OPA1: variants seen among roughly 807,000 people sequenced by gnomAD.
OPA1 encodes dynamin-like GTPase OPA1, mitochondrial.
In OPA1, 59 loss-of-function variants were observed where a neutral mutation model predicts 152.9. The observed-to-expected ratio is 0.39, with a 90% CI of 0.31 to 0.48. The LOEUF (loss-of-function observed/expected upper bound fraction) is 0.48. Ranked by LOEUF, OPA1 falls within the 20% of genes least tolerant of loss-of-function variation. The probability of loss-of-function intolerance (pLI) is 0.96; values close to 1 mark genes in which losing one functional copy is unlikely to be tolerated. For synonymous variants in OPA1, 400 were observed against 389.9 expected (o/e 1.03, Z -0.31); for missense variants, 1,008 against 1,216.8 (o/e 0.83, Z 2.55).
At chr3:193,625,130 T>G (rs1290543122) in intron 6 of OPA1, among the ~76,000 whole-genome samples, 1 of 152,066 alleles carries the variant, frequency 6.6e-6, no homozygotes, top group Non-Finnish European at 1.5e-5. Context: ...TTGAGGTCGA[T>G]TATCTAAGAG....
At chr3:193,653,169 A>G in intron 21 of OPA1, among the ~76,000 whole-genome samples, 1 of 152,146 alleles carries the variant, frequency 6.6e-6, no homozygotes, top group South Asian at 2.1e-4. Context: ...TCAGTGACTA[A>G]ATTGTCTTTG....
intron 30 of OPA1, among the ~76,000 whole-genome samples, chr3:193,692,548 T>C (rs978395596): frequency 1.3e-5 from 2 of 152,208 alleles, no homozygotes; most frequent in African/African-American, 4.8e-5. Flanking sequence ...TTTTAATAAT[T>C]GTTCTTAATC....
intron 1 of OPA1, among the ~76,000 whole-genome samples, chr3:193,596,360 T>C (rs374803836): frequency 2.1e-4 from 24 of 112,154 alleles, no homozygotes; most frequent in African/African-American, 6.7e-4. Flanking sequence ...TCTTTTCTTT[T>C]CTTAATTTTC....
chr3:193,657,578 T>A (rs1305595212), intron 23 of OPA1, among the ~76,000 whole-genome samples: 1 of 152,234 alleles, frequency 6.6e-6, no homozygotes, highest in Non-Finnish European at 1.5e-5. Context: ...AGGAACTACA[T>A]GCGTTGGTTT....
At chr3:193,609,187 C>T (rs1384510065) in intron 1 of OPA1, among the ~76,000 whole-genome samples, 1 of 152,124 alleles carries the variant, frequency 6.6e-6, no homozygotes, top group African/African-American at 2.4e-5. Flanking sequence ...TTAATTGGAG[C>T]ATTTAGCCCA....
At chr3:193,625,382 G>A (rs1577192066) in intron 6 of OPA1, among the ~76,000 whole-genome samples, 1 of 151,902 alleles carries the variant, frequency 6.6e-6, no homozygotes, top group Middle Eastern at 3.4e-3. Context: ...TTAGTAATTT[G>A]TATATGCTTG....
At chr3:193,638,943 T>C (rs1733342130) in intron 11 of OPA1, among the ~76,000 whole-genome samples, 1 of 152,186 alleles carries the variant, frequency 6.6e-6, no homozygotes, top group South Asian at 2.1e-4. Context: ...CTGGCAAATA[T>C]TGTCGGAGCA....
intron 1 of OPA1, among the ~76,000 whole-genome samples, chr3:193,614,321 G>A (rs916324932): frequency 2.6e-5 from 4 of 152,210 alleles, no homozygotes; most frequent in African/African-American, 9.7e-5. Flanking sequence ...AATAAAATAA[G>A]TCCCTGCCTT....
At chr3:193,594,680 G>T (rs1285379323) in intron 1 of OPA1, among the ~76,000 whole-genome samples, 1 of 152,094 alleles carries the variant, frequency 6.6e-6, no homozygotes, top group East Asian at 1.9e-4. Context: ...GAGCCACCGC[G>T]CCCGGCCCAA....
At chr3:193,663,602 G>C (rs1715825509) in intron 26 of OPA1, among the ~76,000 whole-genome samples, 1 of 152,052 alleles carries the variant, frequency 6.6e-6, no homozygotes, top group Non-Finnish European at 1.5e-5. Context: ...GAATTCAAAA[G>C]CTCCTTATAA....
intron 1 of OPA1, chr3:193,614,022 T>C (rs1242131946): frequency 2.9e-5 from 15 of 515,674 alleles, no homozygotes; most frequent in Admixed American, 2.0e-4. Flanking sequence ...TGTTAAGATA[T>C]GGTTGTTGGT....
intron 1 of OPA1, among the ~76,000 whole-genome samples, chr3:193,610,709 T>G (rs6767900): frequency 0.5 from 75,447 of 151,914 alleles, 19,110 homozygotes; most frequent in African/African-American, 0.57. Context: ...CAGCTGCTTT[T>G]TTTACCTGCT....
chr3:193,635,572 G>A, intron 9 of OPA1, 50 bp downstream of exon 9: 1 of 1,072,116 alleles, frequency 9.3e-7, no homozygotes, highest in Non-Finnish European at 1.5e-6. Context: ...GCTTAACGTT[G>A]TGTGTTCATC....
At position 193,617,817 on chromosome 3, in the gene OPA1, C is replaced by G. The variant is rs1729303601; in HGVS notation, c.590C>G (p.Ser197Cys). The part of the protein sequence containing the change: ...HKLVSEVIGA[S>C]DLLLLLGSPE... ...TTGGTTAGTGAAGTCATAGGAGCTT[C>G]TGACCTACTTCTCTTGTTAGGTGTG... Residue 197 changes from serine to cysteine, a missense_variant, in exon 5 of 31, where the codon TCT (serine) becomes TGT (cysteine). Coordinates refer to ENST00000361510, the MANE Select transcript of OPA1 (RefSeq NM_130837.3). 1 of 1,612,792 alleles carries G rather than the reference C, an allele frequency of 6.2e-7. No homozygotes were observed. The highest frequency in any genetic ancestry group is 1.3e-5 in the African/African-American group (1 of 74,896).
chr3:193,666,524 A>C, intron 28 of OPA1, 135 bp downstream of exon 28: 1 of 762,826 alleles, frequency 1.3e-6, no homozygotes, highest in South Asian at 1.6e-5. Context: ...GTGGTAGCTC[A>C]TGCCTGTAAT....
intron 23 of OPA1, among the ~76,000 whole-genome samples, chr3:193,658,375 A>T (rs532748330): frequency 2.9e-4 from 44 of 152,284 alleles, no homozygotes; most frequent in Non-Finnish European, 5.6e-4. Flanking sequence ...GCCAATTTTC[A>T]ACTGTAATAA....
At chr3:193,663,419 T>C (rs1327577604) in intron 26 of OPA1, among the ~76,000 whole-genome samples, 1 of 152,174 alleles carries the variant, frequency 6.6e-6, no homozygotes, top group Non-Finnish European at 1.5e-5. Context: ...ATATGACCAT[T>C]GAGTTCTTTC....
intron 1 of OPA1, among the ~76,000 whole-genome samples, chr3:193,610,872 A>G (rs1361148153): frequency 6.6e-6 from 1 of 152,206 alleles, no homozygotes; most frequent in Non-Finnish European, 1.5e-5. Context: ...GCTGTTTGCT[A>G]AGACCATCGG....
Position 193,614,844 on chromosome 3 carries a change from C to T in OPA1, c.154C>T (p.Arg52Ter), listed in dbSNP as rs1560327427. The stretch of plus-strand genomic sequence containing the variant: ...ACATCATCCTACCTTAAAGCTTCAA[C>T]GACCCCAATTAAGGACATCCTTTCA... Reference protein sequence around the residue: ...HSHHPTLKLQRPQLRTSFQQF... With the variant: ...HSHHPTLKLQ Residue 52 changes from arginine to a stop codon, truncating the protein, a stop_gained, in exon 2 of 31, where the codon CGA becomes TGA. Transcript: ENST00000361510. LOFTEE classifies it high-confidence loss of function. 1.2e-6 allele frequency: 2 copies of T among 1,613,926 alleles called. No individual in the cohort carries two copies. Among genetic ancestry groups the T allele is most frequent in the Non-Finnish European group, 1.7e-6 (2 of 1,179,780 alleles).
Sources: allele counts gnomAD v4.1 joint callset (sites outside exome capture counted in the v4.1 genomes callset), GRCh38; gene constraint gnomAD v4.1.1; transcripts MANE v1.5; gene names NCBI Gene and HGNC (gene_info 2026-07-23, HGNC 2026-07-21).